SLC35F2: variants seen among roughly 807,000 people sequenced by gnomAD.
SLC35F2 encodes queuine/queuosine transporter SLC35F2.
In SLC35F2, 25 loss-of-function variants were observed where a neutral mutation model predicts 38.1. The ratio of observed to expected loss-of-function variants is 0.66; its 90% CI spans 0.48 to 0.92. The LOEUF (loss-of-function observed/expected upper bound fraction) is 0.92, where lower values mean the gene tolerates loss of function less well. SLC35F2 is among the 40% of genes least tolerant of loss of function. The probability of loss-of-function intolerance (pLI) is 0.00; values close to 1 mark genes in which losing one functional copy is unlikely to be tolerated. For synonymous variants in SLC35F2, 173 were observed against 181.7 expected, an observed-to-expected ratio of 0.95 and a Z score of 0.38; for missense variants, 409 against 452.9, an observed-to-expected ratio of 0.90 and a Z score of 0.88.
chr11:107,836,313 T>C (rs1327787194), intron 1 of SLC35F2, among the ~76,000 whole-genome samples: 1 of 150,396 alleles, frequency 6.6e-6, no homozygotes, highest in Non-Finnish European at 1.5e-5. Flanking sequence ...CTAGGTGTTC[T>C]TATTTCTTTG....
chr11:107,842,732 A>G (rs1017441273), intron 1 of SLC35F2, among the ~76,000 whole-genome samples: 13 of 152,310 alleles, frequency 8.5e-5, no homozygotes, highest in African/African-American at 3.1e-4. Flanking sequence ...ACAGTTTGGC[A>G]TTATTTTATG....
Position 107,815,772 on chromosome 11 carries a change from T to G in SLC35F2, c.286+18A>C. The G allele has an allele frequency of 6.4e-7, 1 of 1,570,420 alleles. No individual in the cohort carries two copies. Among genetic ancestry groups the G allele is most frequent in the Non-Finnish European group, 8.6e-7 (1 of 1,159,630 alleles). On this transcript the variant is annotated intron_variant, in intron 2 of 7. Transcript: ENST00000525815. Reference sequence around the variant, plus strand: ...GAAGATAATTTTGTTGAAAAGATAATTTCCACATTTGACATACCTGATCGA... The same window carrying G: ...GAAGATAATTTTGTTGAAAAGATAAGTTCCACATTTGACATACCTGATCGA...
chr11:107,794,480 C>A (rs993737540), intron 7 of SLC35F2, among the ~76,000 whole-genome samples: 1 of 152,154 alleles, frequency 6.6e-6, no homozygotes, highest in African/African-American at 2.4e-5. Flanking sequence ...TGTACTGTAA[C>A]TAATGTGTAA....
intron 6 of SLC35F2, 106 bp downstream of exon 6, chr11:107,804,612 G>T: frequency 1.2e-6 from 1 of 861,760 alleles, no homozygotes; most frequent in Non-Finnish European, 1.8e-6. Context: ...AATCACTCCT[G>T]GATTTTACAA....
chr11:107,807,554 ATCTTT>A lies in SLC35F2; in HGVS notation c.415-683_415-679del, dbSNP rs147111606. On this transcript the variant is annotated intron_variant, in intron 3 of 7. Coordinates refer to ENST00000525815, the MANE Select transcript of SLC35F2 (RefSeq NM_017515.5). ...TACCTCTATGCTCCCACCTGTGTAT[ATCTTT>A]TCTTTTATTTTATTATTATTATTTT... Among the ~76,000 whole-genome samples, 617 of 137,480 alleles carry A rather than the reference ATCTTT, an allele frequency of 4.5e-3. 6 individuals are homozygous for A. The highest frequency in any genetic ancestry group is 0.01 in the South Asian group (43 of 4,232). 90.2% of individuals were successfully genotyped at this position (137,480 alleles called of 152,430 possible).
rs865990740 is a variant in SLC35F2 at position 107,818,433 on chromosome 11, G to A, written c.111-2468C>T. ...AAGAAAAGAAACATTTGGCAACATC[G>A]AGGTATCCCACCTGTGTTCTCTCTA... is the stretch of plus-strand genomic sequence containing the variant. On this transcript the variant is annotated intron_variant, in intron 1 of 7. Transcript: ENST00000525815. Among the ~76,000 whole-genome samples, 29 of 152,264 alleles carry A rather than the reference G, an allele frequency of 1.9e-4. No individual in the cohort carries two copies. In the South Asian group the frequency reaches 3.1e-3, roughly 16 times the overall value.
At chr11:107,803,325 GA>G in intron 6 of SLC35F2, 170 bp from the exon 7 acceptor site, 1 of 983,988 alleles carries the variant, frequency 1.0e-6, no homozygotes, top group Non-Finnish European at 1.2e-6. Context: ...CTCGAAAAAA[GA>G]ATATAAATAG....
chr11:107,837,830 T>C (rs1207104792), intron 1 of SLC35F2, among the ~76,000 whole-genome samples: 1 of 152,182 alleles, frequency 6.6e-6, no homozygotes, highest in Non-Finnish European at 1.5e-5. Flanking sequence ...ATTCTGCCTG[T>C]AGTGTTTTAT....
intron 1 of SLC35F2, chr11:107,821,470 G>C (rs1859671716): frequency 1.0e-6 from 1 of 985,378 alleles, no homozygotes; most frequent in South Asian, 4.7e-5. Context: ...CTGGCGGGGA[G>C]GGGGTAGGAA....
intron 1 of SLC35F2, among the ~76,000 whole-genome samples, chr11:107,824,207 A>C (rs1315166941): frequency 6.6e-6 from 1 of 152,188 alleles, no homozygotes; most frequent in Non-Finnish European, 1.5e-5. Context: ...CTCACAAAGA[A>C]GGCAAGTAAA....
At chr11:107,842,210 T>C (rs1860022302) in intron 1 of SLC35F2, among the ~76,000 whole-genome samples, 1 of 116,032 alleles carries the variant, frequency 8.6e-6, no homozygotes, top group Non-Finnish European at 1.6e-5. Flanking sequence ...GAGGCAAGAT[T>C]GCGCCACTAC....
chr11:107,825,127 G>A (rs990444633), intron 1 of SLC35F2, among the ~76,000 whole-genome samples: 2 of 152,186 alleles, frequency 1.3e-5, no homozygotes, highest in African/African-American at 4.8e-5. Context: ...AGTAGTTCTT[G>A]AGCACTTCAA....
chr11:107,849,680 G>A (rs916617585), intron 1 of SLC35F2, among the ~76,000 whole-genome samples: 1 of 151,562 alleles, frequency 6.6e-6, no homozygotes, highest in East Asian at 1.9e-4. Flanking sequence ...GATTGAAGGG[G>A]GAGGTGGACT....
intron 1 of SLC35F2, among the ~76,000 whole-genome samples, chr11:107,828,433 C>CAA (rs201937489): frequency 0.077 from 6,778 of 88,376 alleles, 470 homozygotes; most frequent in African/African-American, 0.19. Context: ...AACTCCATCT[C>CAA]AAAAAAAAAA....
At chr11:107,818,263 T>G (rs918726555) in intron 1 of SLC35F2, among the ~76,000 whole-genome samples, 5 of 151,516 alleles carry the variant, frequency 3.3e-5, no homozygotes, top group Non-Finnish European at 7.4e-5. Context: ...AAACCCCATC[T>G]CTACTAAAAA....
intron 1 of SLC35F2, among the ~76,000 whole-genome samples, chr11:107,831,462 C>T (rs894555586): frequency 6.6e-6 from 1 of 152,104 alleles, no homozygotes; most frequent in African/African-American, 2.4e-5. Flanking sequence ...CGGCCTCAGG[C>T]GATCCTCATG....
intron 1 of SLC35F2, among the ~76,000 whole-genome samples, chr11:107,855,380 G>A (rs772487906): frequency 2.6e-5 from 4 of 152,208 alleles, no homozygotes; most frequent in Non-Finnish European, 5.9e-5. Flanking sequence ...ATGGCCAGGC[G>A]TGTGGCTCAC....
intron 1 of SLC35F2, among the ~76,000 whole-genome samples, chr11:107,854,872 C>T (rs1180915104): frequency 1.3e-5 from 2 of 152,162 alleles, no homozygotes; most frequent in Non-Finnish European, 2.9e-5. Context: ...AAATCTCTCT[C>T]TGTATCTTGC....
At chr11:107,854,829 G>A (rs1211640426) in intron 1 of SLC35F2, among the ~76,000 whole-genome samples, 1 of 151,950 alleles carries the variant, frequency 6.6e-6, no homozygotes, top group Non-Finnish European at 1.5e-5. Flanking sequence ...GCCCCTTTTT[G>A]GTAAAAGGAA....
Sources: allele counts gnomAD v4.1 joint callset (sites outside exome capture counted in the v4.1 genomes callset), GRCh38; gene constraint gnomAD v4.1.1; transcripts MANE v1.5; gene names NCBI Gene and HGNC (gene_info 2026-07-23, HGNC 2026-07-21).